ACTR3C: variants seen among roughly 807,000 people sequenced by gnomAD.
The protein encoded by ACTR3C is actin related protein 3C.
In ACTR3C, 18 loss-of-function variants were observed where a neutral mutation model predicts 26.3. The ratio of observed to expected loss-of-function variants is 0.68; its 90% CI spans 0.47 to 1.01. The LOEUF is 1.01. Ranked by LOEUF, ACTR3C falls within the 50% of genes least tolerant of loss-of-function variation. The pLI is 0.00. For missense variants in ACTR3C, 184 were observed against 250.7 expected (o/e 0.73, Z 1.80); for synonymous variants, 55 against 94.5 (o/e 0.58, Z 2.42).
At chr7:150,171,070 T>A in the ACTR3C span, among the ~76,000 whole-genome samples, 3 of 135,196 alleles carry the variant, frequency 2.2e-5, no homozygotes, top group East Asian at 6.0e-4. Context: ...ATGGATAGAA[T>A]AAGTAAACAG....
the ACTR3C span, among the ~76,000 whole-genome samples, chr7:150,046,581 A>AACACAGCCT: frequency 7.0e-6 from 1 of 142,046 alleles, no homozygotes; most frequent in East Asian, 2.1e-4. Context: ...TCTACAAACC[A>AACACAGCCT]ACACAGCCTA....
the ACTR3C span, among the ~76,000 whole-genome samples, chr7:150,079,304 A>T: frequency 6.6e-6 from 1 of 152,154 alleles, no homozygotes; most frequent in Non-Finnish European, 1.5e-5. Context: ...TGGCTGCAGG[A>T]CTTGGCAAAC....
the ACTR3C span, among the ~76,000 whole-genome samples, chr7:149,895,717 T>C: frequency 6.6e-6 from 1 of 152,016 alleles, no homozygotes; most frequent in Non-Finnish European, 1.5e-5. Context: ...ATGCCTGTAG[T>C]CCTAGCTACT....
At chr7:150,246,904 C>G (rs567929664), downstream of ACTR3C, 1 of 152,196 alleles carries the variant, frequency 6.6e-6, no homozygotes, top group African/African-American at 2.4e-5. Context: ...GCAATTCTCC[C>G]GCCTCCACTT....
the ACTR3C span, among the ~76,000 whole-genome samples, chr7:150,104,061 C>A: frequency 6.6e-6 from 1 of 151,718 alleles, no homozygotes; most frequent in African/African-American, 2.4e-5. Context: ...AAAATACACA[C>A]CCTACATTCT....
chr7:150,010,550 C>T, the ACTR3C span, among the ~76,000 whole-genome samples: 14 of 151,904 alleles, frequency 9.2e-5, no homozygotes, highest in Non-Finnish European at 1.3e-4. Context: ...AAAAATTAGC[C>T]GGGCGTGGTG....
At chr7:150,318,510 T>C (rs1431969026) in intron 1 of ACTR3C, among the ~76,000 whole-genome samples, 1 of 152,188 alleles carries the variant, frequency 6.6e-6, no homozygotes, top group Non-Finnish European at 1.5e-5. Context: ...ACGCCTGTAA[T>C]CCCAGCACTT....
At chr7:149,896,410 G>A in the ACTR3C span, among the ~76,000 whole-genome samples, 1 of 152,168 alleles carries the variant, frequency 6.6e-6, no homozygotes, top group Non-Finnish European at 1.5e-5. Flanking sequence ...TATCAGGGTG[G>A]TGAGTATTAA....
chr7:150,187,862 GTAAT>G, the ACTR3C span, among the ~76,000 whole-genome samples: 1 of 149,836 alleles, frequency 6.7e-6, no homozygotes, highest in Non-Finnish European at 1.5e-5. Context: ...CTTTCCTTAA[GTAAT>G]TAATAAATAA....
the ACTR3C span, among the ~76,000 whole-genome samples, chr7:149,986,520 G>A: frequency 6.6e-6 from 1 of 152,168 alleles, no homozygotes; most frequent in African/African-American, 2.4e-5. Flanking sequence ...TCTGTTTCGT[G>A]TAACACAACT....
At chr7:149,905,137 T>C in the ACTR3C span, among the ~76,000 whole-genome samples, 1 of 151,540 alleles carries the variant, frequency 6.6e-6, no homozygotes, top group Admixed American at 6.6e-5. Context: ...GAGCCAAAGC[T>C]ATTCTGAGAA....
At chr7:149,957,791 C>T in the ACTR3C span, among the ~76,000 whole-genome samples, 1,077 of 151,816 alleles carry the variant, frequency 7.1e-3, 13 homozygotes, top group African/African-American at 0.025. Flanking sequence ...CTATATCTAC[C>T]TTCTATTGGT....
At chr7:149,905,367 G>T in the ACTR3C span, among the ~76,000 whole-genome samples, 1 of 151,068 alleles carries the variant, frequency 6.6e-6, no homozygotes, top group Non-Finnish European at 1.5e-5. Context: ...CTAGCCTTCC[G>T]CATGGAAAAC....
the ACTR3C span, among the ~76,000 whole-genome samples, chr7:150,011,114 A>G: frequency 2.6e-5 from 4 of 151,744 alleles, no homozygotes; most frequent in African/African-American, 7.3e-5. Context: ...TGAATTTCTG[A>G]TGAGCTATGC....
At chr7:150,040,991 G>A in the ACTR3C span, among the ~76,000 whole-genome samples, 1 of 150,518 alleles carries the variant, frequency 6.6e-6, no homozygotes, top group South Asian at 2.1e-4. Flanking sequence ...TAGCAACCCT[G>A]TCTAGTTGTT....
At chr7:150,252,126 G>GTGTGTGTGTGTGTGTGTGTGCA (rs1349865961) in intron 6 of ACTR3C, among the ~76,000 whole-genome samples, 1 of 107,256 alleles carries the variant, frequency 9.3e-6, no homozygotes, top group East Asian at 2.6e-4. Context: ...GTATGTGTCT[G>GTGTGTGTGTGTGTGTGTGTGCA]TGTGTGTGTG....
chr7:150,137,748 G>A, the ACTR3C span, among the ~76,000 whole-genome samples: 4 of 152,132 alleles, frequency 2.6e-5, no homozygotes, highest in African/African-American at 9.7e-5. Flanking sequence ...ATTGGAATTG[G>A]GTCTTGAAGG....
At chr7:150,059,657 A>C in the ACTR3C span, among the ~76,000 whole-genome samples, 1 of 152,226 alleles carries the variant, frequency 6.6e-6, no homozygotes, top group African/African-American at 2.4e-5. Flanking sequence ...TTATTTTAAA[A>C]TAACACTCTT....
At chr7:150,080,437 A>C in the ACTR3C span, among the ~76,000 whole-genome samples, 1 of 151,760 alleles carries the variant, frequency 6.6e-6, no homozygotes, top group South Asian at 2.1e-4. Context: ...AAACACATGG[A>C]CACAGAATTC....
Sources: gnomAD v4.1 joint callset for allele counts (sites outside exome capture counted in the v4.1 genomes callset) on GRCh38, gnomAD v4.1.1 for gene constraint, MANE v1.5 for transcripts, NCBI Gene and HGNC (gene_info 2026-07-23, HGNC 2026-07-21) for gene names.